The following SLC44A5 variants were observed in gnomAD, a reference collection of about 807,000 sequenced individuals.
The protein encoded by SLC44A5 is choline transporter-like protein 5.
Under a neutral mutation model 101.8 loss-of-function variants are expected in SLC44A5, and 57 were observed. The observed-to-expected ratio is 0.56, with a 90% CI of 0.45 to 0.70. SLC44A5 has a LOEUF of 0.70. Ranked by LOEUF, SLC44A5 falls within the 30% of genes least tolerant of loss-of-function variation. The pLI is 0.00. For missense variants in SLC44A5, 737 were observed against 853.1 expected (o/e 0.86, Z 1.70); for synonymous variants, 281 against 290.9 (o/e 0.97, Z 0.35).
chr1:75,634,490 G>A, the SLC44A5 span, among the ~76,000 whole-genome samples: 5 of 151,226 alleles, frequency 3.3e-5, no homozygotes, highest in Non-Finnish European at 7.4e-5. Context: ...ACAGAACAGA[G>A]CCCTCAGAAA....
At chr1:75,453,473 G>A (rs1325607478) in intron 2 of SLC44A5, among the ~76,000 whole-genome samples, 4 of 151,986 alleles carry the variant, frequency 2.6e-5, no homozygotes, top group Non-Finnish European at 4.4e-5. Flanking sequence ...ACATCTAGAG[G>A]AACTAGAAAA....
At chr1:75,598,987 T>G (rs1417055546) in intron 1 of SLC44A5, among the ~76,000 whole-genome samples, 1 of 152,192 alleles carries the variant, frequency 6.6e-6, no homozygotes, top group Non-Finnish European at 1.5e-5. Flanking sequence ...GACTATTACA[T>G]TTCCACAGAA....
At chr1:75,463,107 C>A (rs971737636) in intron 2 of SLC44A5, among the ~76,000 whole-genome samples, 9 of 152,164 alleles carry the variant, frequency 5.9e-5, no homozygotes, top group African/African-American at 2.2e-4. Context: ...CAATCAAATT[C>A]CCAAAGATCA....
At chr1:75,566,073 T>A (rs1672769972) in intron 1 of SLC44A5, among the ~76,000 whole-genome samples, 1 of 152,204 alleles carries the variant, frequency 6.6e-6, no homozygotes, top group Non-Finnish European at 1.5e-5. Flanking sequence ...CATTATGCAG[T>A]AATAAGGCAG....
the SLC44A5 span, among the ~76,000 whole-genome samples, chr1:75,646,863 TG>T: frequency 6.6e-6 from 1 of 152,110 alleles, no homozygotes; most frequent in Non-Finnish European, 1.5e-5. Context: ...AATTTCTAAG[TG>T]GCAAAGTGTT....
the SLC44A5 span, among the ~76,000 whole-genome samples, chr1:75,626,423 A>G: frequency 6.6e-6 from 1 of 152,124 alleles, no homozygotes; most frequent in African/African-American, 2.4e-5. Flanking sequence ...TTGCTCATAG[A>G]AAAACAGTTC....
At chr1:75,353,818 T>C (rs1658866770) in intron 3 of SLC44A5, among the ~76,000 whole-genome samples, 1 of 152,248 alleles carries the variant, frequency 6.6e-6, no homozygotes, top group Admixed American at 6.5e-5. Flanking sequence ...CTAAGCAATT[T>C]CTAGTCACTT....
At chr1:75,572,362 C>T (rs1570643807) in intron 1 of SLC44A5, among the ~76,000 whole-genome samples, 1 of 152,144 alleles carries the variant, frequency 6.6e-6, no homozygotes. Flanking sequence ...ATGATAAACT[C>T]TATTAGTGAA....
At chr1:75,635,566 A>G in the SLC44A5 span, among the ~76,000 whole-genome samples, 1 of 150,340 alleles carries the variant, frequency 6.7e-6, no homozygotes, top group African/African-American at 2.5e-5. Context: ...ACAAATAACC[A>G]AACACCGCAT....
At chr1:75,723,113 C>A in the SLC44A5 span, among the ~76,000 whole-genome samples, 1 of 152,152 alleles carries the variant, frequency 6.6e-6, no homozygotes, top group African/African-American at 2.4e-5. Flanking sequence ...CCAATCAGGA[C>A]AAGTACAGAG....
chr1:75,474,315 T>C (rs1667270747), intron 2 of SLC44A5, among the ~76,000 whole-genome samples: 1 of 152,220 alleles, frequency 6.6e-6, no homozygotes, highest in South Asian at 2.1e-4. Context: ...GTTTTATTAT[T>C]AAATAAAGTC....
the SLC44A5 span, among the ~76,000 whole-genome samples, chr1:75,721,095 T>C: frequency 6.6e-6 from 1 of 152,184 alleles, no homozygotes; most frequent in Non-Finnish European, 1.5e-5. Context: ...ATGTTTCTTA[T>C]CAGACTTAAG....
At chr1:75,687,568 T>C in the SLC44A5 span, among the ~76,000 whole-genome samples, 4 of 152,106 alleles carry the variant, frequency 2.6e-5, no homozygotes, top group Non-Finnish European at 2.9e-5. Flanking sequence ...CCTCCCAAAG[T>C]GCTGGGATTA....
chr1:75,570,447 A>G (rs1029504534), intron 1 of SLC44A5, among the ~76,000 whole-genome samples: 1 of 152,192 alleles, frequency 6.6e-6, no homozygotes, highest in African/African-American at 2.4e-5. Context: ...AGGAGGGTTC[A>G]ATCTATTTTA....
At chr1:75,226,444 A>G (rs1183745108) in intron 13 of SLC44A5, among the ~76,000 whole-genome samples, 3 of 152,118 alleles carry the variant, frequency 2.0e-5, no homozygotes, top group Admixed American at 1.3e-4. Flanking sequence ...GTAGTGTCCT[A>G]TATGGAAAAT....
intron 2 of SLC44A5, among the ~76,000 whole-genome samples, chr1:75,541,030 A>T (rs1478432786): frequency 6.6e-6 from 1 of 152,244 alleles, no homozygotes; most frequent in African/African-American, 2.4e-5. Context: ...GGGCTAAACA[A>T]TAATTGTCTA....
chr1:75,383,683 T>C (rs1224628297), intron 3 of SLC44A5, among the ~76,000 whole-genome samples: 1 of 151,966 alleles, frequency 6.6e-6, no homozygotes, highest in Admixed American at 6.6e-5. Flanking sequence ...AGGCCAACAT[T>C]CAGATTCAGG....
At chr1:75,643,123 C>G in the SLC44A5 span, among the ~76,000 whole-genome samples, 1 of 152,108 alleles carries the variant, frequency 6.6e-6, no homozygotes, top group Non-Finnish European at 1.5e-5. Flanking sequence ...ATTCAACCAT[C>G]TTTGGAAAGA....
Position 75,381,986 on chromosome 1 carries a change from G to C in SLC44A5, c.52+14597C>G, listed in dbSNP as rs1473524931. Among the ~76,000 whole-genome samples the C allele has an allele frequency of 2.6e-5, 2 of 76,512 alleles. 1 individual carries two copies. The highest frequency in any genetic ancestry group is 1.8e-4 in the African/African-American group (2 of 11,336). The allele number at this position is 76,512 out of a possible 152,430, so 50.2% of individuals were successfully genotyped here. ...ACAAGATTGTGGAATTCACAATCTAGTATTGATCAAAAATTGGCAAATCAA... is the reference window on the plus strand; with the variant it reads ...ACAAGATTGTGGAATTCACAATCTACTATTGATCAAAAATTGGCAAATCAA... On this transcript the variant is annotated intron_variant, in intron 3 of 23. Transcript: ENST00000370859.
Sources: gnomAD v4.1 joint callset for allele counts (sites outside exome capture counted in the v4.1 genomes callset) on GRCh38, gnomAD v4.1.1 for gene constraint, MANE v1.5 for transcripts, NCBI Gene and HGNC (gene_info 2026-07-23, HGNC 2026-07-21) for gene names.